Variants in DENND1A observed in about 807,000 individuals in gnomAD.
DENND1A encodes the protein DENN domain-containing protein 1A.
A neutral mutation model predicts 113.7 loss-of-function variants in DENND1A; 51 were observed. The observed-to-expected ratio is 0.45, with a 90% CI of 0.36 to 0.57. The LOEUF (loss-of-function observed/expected upper bound fraction) is 0.57. Ranked by LOEUF, DENND1A falls within the 20% of genes least tolerant of loss-of-function variation. DENND1A has a pLI of 0.00. For synonymous variants in DENND1A, 565 were observed against 570.8 expected (o/e 0.99, Z 0.14); for missense variants, 1,258 against 1,395.9 (o/e 0.90, Z 1.57).
At chr9:123,781,845 G>A (rs190473430) in intron 3 of DENND1A, among the ~76,000 whole-genome samples, 8 of 152,240 alleles carry the variant, frequency 5.3e-5, no homozygotes, top group Admixed American at 3.3e-4. Context: ...CAAGGTGGGT[G>A]GATCACCTGA....
At chr9:123,772,897 G>A (rs1391701534) in intron 3 of DENND1A, among the ~76,000 whole-genome samples, 1 of 152,072 alleles carries the variant, frequency 6.6e-6, no homozygotes, top group Non-Finnish European at 1.5e-5. Flanking sequence ...ATAAACCCCA[G>A]ACGGGTTTTC....
intron 18 of DENND1A, among the ~76,000 whole-genome samples, chr9:123,446,588 G>T (rs1011178856): frequency 6.6e-6 from 1 of 152,160 alleles, no homozygotes; most frequent in African/African-American, 2.4e-5. Context: ...ACTTTGAGAG[G>T]CCTAGGAGGG....
chr9:123,817,662 A>G (rs915496949), intron 2 of DENND1A, among the ~76,000 whole-genome samples: 2 of 152,190 alleles, frequency 1.3e-5, no homozygotes, highest in Admixed American at 6.5e-5. Context: ...ATGATTAGGT[A>G]TTACATTATA....
intron 1 of DENND1A, among the ~76,000 whole-genome samples, chr9:123,886,004 T>C (rs370389618): frequency 6.6e-6 from 1 of 152,184 alleles, no homozygotes; most frequent in Non-Finnish European, 1.5e-5. Flanking sequence ...TCCTGAACTC[T>C]TGACCTCAAC....
intron 2 of DENND1A, among the ~76,000 whole-genome samples, chr9:123,860,740 G>C (rs1273617811): frequency 6.6e-6 from 1 of 152,180 alleles, no homozygotes; most frequent in Non-Finnish European, 1.5e-5. Flanking sequence ...TAATGCCTAA[G>C]CATGCGGAAC....
chr9:123,440,482 C>G lies in DENND1A; in HGVS notation c.1366G>C (p.Glu456Gln). 6.4e-7 allele frequency: 1 copy of G among 1,571,808 alleles called. No individual in the cohort carries two copies. The highest frequency in any genetic ancestry group is 8.6e-7 in the Non-Finnish European group (1 of 1,166,904). The change falls in exon 19 of 24, where the codon GAG (glutamate) becomes CAG (glutamine). Residue 456 changes from glutamate to glutamine, a missense_variant. Transcript: ENST00000394215. ...TCTGGGGTGGGGGCGCAGCCATTCT[C>G]GGCAATGTCCTGTAGGGAGAAGGAT... ...KNRLKQKDIAENGCAPTPEEQ... is the reference protein window; with the variant it reads ...KNRLKQKDIAQNGCAPTPEEQ...
chr9:123,843,480 G>C (rs1842130677), intron 2 of DENND1A: 1 of 298,498 alleles, frequency 3.4e-6, no homozygotes, highest in African/African-American at 2.2e-5. Flanking sequence ...AGCCATTTGG[G>C]AGAATAGTCT....
At chr9:123,917,849 G>T (rs1412977578) in intron 1 of DENND1A, among the ~76,000 whole-genome samples, 1 of 152,014 alleles carries the variant, frequency 6.6e-6, no homozygotes, top group Admixed American at 6.6e-5. Flanking sequence ...AGTGGCTCAC[G>T]CCTGTAATCT....
chr9:123,506,111 T>G (rs2052908866), intron 13 of DENND1A, among the ~76,000 whole-genome samples: 1 of 152,344 alleles, frequency 6.6e-6, no homozygotes, highest in East Asian at 1.9e-4. Flanking sequence ...ATTACAATTC[T>G]GACCTTAATG....
In DENND1A at chr9:123,381,406, T is replaced by G. The variant is rs369785708; in HGVS notation, c.*26A>C. The G allele has an allele frequency of 5.1e-5, 82 of 1,606,644 alleles. No homozygotes were observed. The African/African-American group carries it at 1.0e-3, about 20-fold the overall frequency. Reference sequence around the variant, plus strand: ...CAGTGGACGGACCCTCGGGCCTCGGTGCATCCCCCACCCTCAGGGCCCGGC... The same window carrying G: ...CAGTGGACGGACCCTCGGGCCTCGGGGCATCCCCCACCCTCAGGGCCCGGC... On this transcript the variant is annotated 3_prime_UTR_variant, in exon 24 of 24. Transcript: ENST00000394215. This position sits in a 1 kb window ranked among gnomAD's most constrained non-coding sequence, Gnocchi z 4.7.
At chr9:123,388,078 G>A (rs954994952) in intron 21 of DENND1A, among the ~76,000 whole-genome samples, 1 of 152,168 alleles carries the variant, frequency 6.6e-6, no homozygotes, top group Non-Finnish European at 1.5e-5. Flanking sequence ...CATCACATAG[G>A]ACCTAGTAAT....
At chr9:123,423,841 G>T (rs554288683) in intron 19 of DENND1A, among the ~76,000 whole-genome samples, 1 of 152,248 alleles carries the variant, frequency 6.6e-6, no homozygotes, top group South Asian at 2.1e-4. Flanking sequence ...GCAACAAACT[G>T]TAAGTGGTTG....
chr9:123,875,033 T>C (rs1403061117), intron 2 of DENND1A, among the ~76,000 whole-genome samples: 1 of 152,186 alleles, frequency 6.6e-6, no homozygotes, highest in East Asian at 1.9e-4. Context: ...AATAATTCTA[T>C]AGTACACTAC....
chr9:123,821,780 G>A (rs1838514344), intron 2 of DENND1A, among the ~76,000 whole-genome samples: 1 of 152,212 alleles, frequency 6.6e-6, no homozygotes, highest in African/African-American at 2.4e-5. Flanking sequence ...CCAACAATAT[G>A]CAGAGGACAA....
intron 13 of DENND1A, among the ~76,000 whole-genome samples, chr9:123,504,167 G>A (rs2052719739): frequency 6.6e-6 from 1 of 152,120 alleles, no homozygotes; most frequent in South Asian, 2.1e-4. Context: ...GTCTATTCTT[G>A]AGCATTTCAG....
chr9:123,414,669 A>G (rs1031402827), intron 19 of DENND1A: 150 of 1,511,932 alleles, frequency 9.9e-5, no homozygotes, highest in Non-Finnish European at 1.2e-4. Context: ...ACTCTTTTTT[A>G]AAAAGTCCTA....
At chr9:123,509,829 T>C (rs2134499101) in intron 13 of DENND1A, among the ~76,000 whole-genome samples, 1 of 152,336 alleles carries the variant, frequency 6.6e-6, no homozygotes, top group African/African-American at 2.4e-5. Flanking sequence ...GCCTGCTGCA[T>C]TCTTGACCTC....
At chr9:123,791,270 C>A (rs781645258) in intron 3 of DENND1A, among the ~76,000 whole-genome samples, 7 of 151,966 alleles carry the variant, frequency 4.6e-5, no homozygotes, top group Non-Finnish European at 1.0e-4. Flanking sequence ...ATTTTCCAGC[C>A]TTTATATATT....
chr9:123,501,830 T>C (rs903182293), intron 13 of DENND1A, among the ~76,000 whole-genome samples: 6 of 152,228 alleles, frequency 3.9e-5, no homozygotes, highest in Non-Finnish European at 8.8e-5. Flanking sequence ...CCTACATCTT[T>C]CTCTCGTGCT....
Sources: allele counts gnomAD v4.1 joint callset (sites outside exome capture counted in the v4.1 genomes callset), GRCh38; gene constraint gnomAD v4.1.1; non-coding constraint Gnocchi (gnomAD v3.1); transcripts MANE v1.5; gene names NCBI Gene and HGNC (gene_info 2026-07-23, HGNC 2026-07-21).